Variants in CA10 observed in about 807,000 individuals in gnomAD.
CA10 encodes carbonic anhydrase-related protein 10.
Under a neutral mutation model 44.2 loss-of-function variants are expected in CA10, and 14 were observed. The observed-to-expected ratio is 0.32, with a 90% CI of 0.21 to 0.50. The LOEUF (loss-of-function observed/expected upper bound fraction) is 0.50. Among genes scored for constraint, CA10 ranks in the 20% least tolerant of loss-of-function variants. The pLI, the probability that CA10 is intolerant of heterozygous loss-of-function variation, is 0.99. For synonymous variants in CA10, 159 were observed against 141.6 expected, an observed-to-expected ratio of 1.12 and a Z score of -0.87; for missense variants, 350 against 409.7, an observed-to-expected ratio of 0.85 and a Z score of 1.26.
At chr17:52,069,364 G>C (rs2143126043) in intron 2 of CA10, among the ~76,000 whole-genome samples, 1 of 152,308 alleles carries the variant, frequency 6.6e-6, no homozygotes, top group South Asian at 2.1e-4. Context: ...CTCCTTCCCT[G>C]AGTATATGAT....
At chr17:51,767,407 T>C (rs1381699055) in intron 3 of CA10, among the ~76,000 whole-genome samples, 5 of 152,222 alleles carry the variant, frequency 3.3e-5, no homozygotes, top group African/African-American at 1.2e-4. Flanking sequence ...GCAAAGATAG[T>C]ACACAGATTT....
chr17:51,701,488 A>AT (rs375022385), intron 4 of CA10, among the ~76,000 whole-genome samples: 82 of 134,986 alleles, frequency 6.1e-4, no homozygotes, highest in South Asian at 3.8e-3. Context: ...TTATTTATTT[A>AT]TTTTTTTTAT....
chr17:51,633,779 A>T, intron 7 of CA10, 129 bp from the exon 8 acceptor site: 1 of 939,824 alleles, frequency 1.1e-6, no homozygotes, highest in Non-Finnish European at 1.5e-6. Flanking sequence ...TATAAGCCCC[A>T]CAGAGTCCCT....
At chr17:52,093,150 G>A (rs1462472536) in intron 1 of CA10, among the ~76,000 whole-genome samples, 1 of 152,082 alleles carries the variant, frequency 6.6e-6, no homozygotes, top group Non-Finnish European at 1.5e-5. Context: ...AGATACATAT[G>A]TACACATACA....
intron 5 of CA10, 37 bp downstream of exon 5, chr17:51,653,604 G>A (rs751202380): frequency 4.8e-6 from 5 of 1,049,296 alleles, no homozygotes; most frequent in Non-Finnish European, 3.0e-6. Flanking sequence ...ATTGAGGTGG[G>A]GATGGTGAGA....
chr17:51,640,386 C>T (rs1042369754), intron 6 of CA10, among the ~76,000 whole-genome samples: 1 of 152,148 alleles, frequency 6.6e-6, no homozygotes, highest in East Asian at 1.9e-4. Context: ...ATGTCTCACA[C>T]CCTAAGACAT....
chr17:51,768,566 G>A (rs1905476394), intron 3 of CA10, among the ~76,000 whole-genome samples: 1 of 152,198 alleles, frequency 6.6e-6, no homozygotes, highest in African/African-American at 2.4e-5. Flanking sequence ...TTTCTGCAAT[G>A]AGGATGTCAT....
intron 4 of CA10, among the ~76,000 whole-genome samples, chr17:51,695,291 A>C (rs932500865): frequency 6.6e-6 from 1 of 151,698 alleles, no homozygotes. Context: ...ATGAGCATGG[A>C]ATATTTTTCC....
chr17:52,067,312 C>G (rs1987563540), intron 2 of CA10, among the ~76,000 whole-genome samples: 1 of 152,230 alleles, frequency 6.6e-6, no homozygotes, highest in Admixed American at 6.5e-5. Flanking sequence ...TCAAAGGGTG[C>G]AAGCCCCAGG....
intron 3 of CA10, among the ~76,000 whole-genome samples, chr17:51,752,514 G>T (rs1380404872): frequency 6.6e-6 from 1 of 152,012 alleles, no homozygotes; most frequent in Non-Finnish European, 1.5e-5. Flanking sequence ...GCTGGTGAAG[G>T]TTCAGTAACT....
chr17:51,830,465 C>A (rs748806368), intron 3 of CA10, among the ~76,000 whole-genome samples: 6 of 151,852 alleles, frequency 4.0e-5, no homozygotes, highest in Non-Finnish European at 5.9e-5. Context: ...TCCAGCCTTA[C>A]AATTCTATGC....
At chr17:51,826,853 C>T (rs1270449709) in intron 3 of CA10, among the ~76,000 whole-genome samples, 2 of 152,218 alleles carry the variant, frequency 1.3e-5, no homozygotes, top group Non-Finnish European at 2.9e-5. Flanking sequence ...GCAGCCCTCT[C>T]TACCTAGCCC....
intron 4 of CA10, among the ~76,000 whole-genome samples, chr17:51,658,405 T>C (rs1178387986): frequency 6.6e-6 from 1 of 152,138 alleles, no homozygotes; most frequent in Non-Finnish European, 1.5e-5. Context: ...TGAAAGGTAG[T>C]AGTGGAAAGA....
At chr17:51,835,988 A>G (rs542912972) in intron 3 of CA10, among the ~76,000 whole-genome samples, 1 of 152,302 alleles carries the variant, frequency 6.6e-6, no homozygotes, top group South Asian at 2.1e-4. Flanking sequence ...AGCCATGATA[A>G]TGGTGTTGAT....
chr17:52,049,447 A>G (rs1266765867), intron 2 of CA10, among the ~76,000 whole-genome samples: 1 of 152,142 alleles, frequency 6.6e-6, no homozygotes, highest in South Asian at 2.1e-4. Flanking sequence ...GCTTGGAGTC[A>G]TGCCTGGCAC....
At chr17:51,819,379 C>A (rs1181154688) in intron 3 of CA10, among the ~76,000 whole-genome samples, 1 of 152,124 alleles carries the variant, frequency 6.6e-6, no homozygotes, top group Admixed American at 6.5e-5. Context: ...TGGTGGCTCC[C>A]GAGATCCATG....
intron 3 of CA10, among the ~76,000 whole-genome samples, chr17:51,792,022 G>T (rs200233408): frequency 3.3e-5 from 5 of 152,110 alleles, no homozygotes; most frequent in African/African-American, 1.2e-4. Flanking sequence ...TGATGGGTGG[G>T]GCTGGGAAGG....
In CA10 at chr17:51,635,891, G is replaced by C; in HGVS notation, c.753C>G (p.Ile251Met). ...IPPCYETASW[I>M]IMNKPVYITR... Reference sequence around the variant, plus strand: ...TTATATAGACAGGTTTGTTCATTATGATCCAACTTGCTGTCTCATAGCAGG... The same window carrying C: ...TTATATAGACAGGTTTGTTCATTATCATCCAACTTGCTGTCTCATAGCAGG... The change falls in exon 7 of 9, where the codon ATC (isoleucine) becomes ATG (methionine). Residue 251 changes from isoleucine to methionine, a missense_variant. Ile to Met is a conservative substitution (Grantham distance 10). Coordinates refer to ENST00000451037, the MANE Select transcript of CA10 (RefSeq NM_020178.5). The C allele has an allele frequency of 6.2e-7, 1 of 1,608,460 alleles. No individual in the cohort carries two copies. Among genetic ancestry groups the C allele is most frequent in the South Asian group, 1.1e-5 (1 of 90,164 alleles).
intron 1 of CA10, among the ~76,000 whole-genome samples, chr17:52,135,469 G>A (rs910755679): frequency 4.6e-5 from 7 of 152,102 alleles, no homozygotes; most frequent in Non-Finnish European, 1.0e-4. Flanking sequence ...ACCCACAAAT[G>A]GGCATGAAGT....
Sources: gnomAD v4.1 joint callset for allele counts (sites outside exome capture counted in the v4.1 genomes callset) on GRCh38, gnomAD v4.1.1 for gene constraint, MANE v1.5 for transcripts, NCBI Gene and HGNC (gene_info 2026-07-23, HGNC 2026-07-21) for gene names.